The following TDRD5 variants were observed in gnomAD, a reference collection of about 807,000 sequenced individuals.
TDRD5 encodes the protein tudor domain containing 5.
TDRD5 carries 41 observed loss-of-function variants against 120.6 expected under a neutral mutation model. The ratio of observed to expected loss-of-function variants is 0.34; its 90% CI spans 0.26 to 0.44. The LOEUF (loss-of-function observed/expected upper bound fraction) is 0.44. Ranked by LOEUF, TDRD5 falls within the 20% of genes least tolerant of loss-of-function variation. The probability of loss-of-function intolerance (pLI) is 1.00; values close to 1 mark genes in which losing one functional copy is unlikely to be tolerated. For synonymous variants in TDRD5, 430 were observed against 433.7 expected (o/e 0.99, Z 0.11); for missense variants, 1,006 against 1,221.2 (o/e 0.82, Z 2.63).
At chr1:179,594,399 A>G (rs776612902) in intron 3 of TDRD5, among the ~76,000 whole-genome samples, 24 of 152,234 alleles carry the variant, frequency 1.6e-4, no homozygotes, top group Admixed American at 2.6e-4. Context: ...TAGGGTAAGT[A>G]ACTGTGTCTT....
chr1:179,640,784 A>G (rs1678001430), intron 11 of TDRD5, among the ~76,000 whole-genome samples: 1 of 152,204 alleles, frequency 6.6e-6, no homozygotes, highest in African/African-American at 2.4e-5. Flanking sequence ...GTAGCATGAA[A>G]CATCTCAAAG....
At position 179,618,720 on chromosome 1, in the gene TDRD5, A is replaced by G. The variant is rs142040904; in HGVS notation, c.915+38A>G. On this transcript the variant is annotated intron_variant, in intron 5 of 17. Transcript: ENST00000444136. ...TGTTTCTGGGAGACAATAATAATTG[A>G]TTTATAAATTTATATATCATTTGTG... is the stretch of plus-strand genomic sequence containing the variant. 723 of 1,390,970 alleles carry G rather than the reference A, an allele frequency of 5.2e-4. 7 individuals carry two copies. In the African/African-American group the frequency reaches 9.8e-3, roughly 19 times the overall value. The allele number at this position is 1,390,970 out of a possible 1,614,324, so 86.2% of individuals were successfully genotyped here.
chr1:179,646,175 T>G (rs979188108), intron 11 of TDRD5, among the ~76,000 whole-genome samples: 12 of 152,170 alleles, frequency 7.9e-5, no homozygotes, highest in African/African-American at 2.7e-4. Context: ...TTTAAAATAA[T>G]TCACTAAGAA....
At chr1:179,599,505 G>C (rs778811070) in intron 4 of TDRD5, among the ~76,000 whole-genome samples, 2 of 151,434 alleles carry the variant, frequency 1.3e-5, no homozygotes, top group Non-Finnish European at 2.9e-5. Context: ...TTCTTTAACA[G>C]ATATAGGGCT....
intron 16 of TDRD5, among the ~76,000 whole-genome samples, chr1:179,664,533 G>A (rs1558417220): frequency 6.6e-6 from 1 of 152,062 alleles, no homozygotes; most frequent in East Asian, 1.9e-4. Flanking sequence ...CTACAGATTT[G>A]TCTGTTAAAT....
At chr1:179,611,907 G>A (rs1005361462) in intron 4 of TDRD5, among the ~76,000 whole-genome samples, 1 of 152,188 alleles carries the variant, frequency 6.6e-6, no homozygotes, top group African/African-American at 2.4e-5. Flanking sequence ...GAGAGGGGGT[G>A]TGGGTTCTAA....
chr1:179,623,363 G>A (rs1317915833), intron 6 of TDRD5, among the ~76,000 whole-genome samples: 2 of 152,052 alleles, frequency 1.3e-5, no homozygotes, highest in African/African-American at 4.8e-5. Flanking sequence ...ACTGTTTAAA[G>A]CAAAAATTAC....
In TDRD5 at chr1:179,691,143, G is replaced by T. The variant is rs1001923798; in HGVS notation, c.*200G>T. ...AGTATTGATATTTACTGTTAATCTT[G>T]ATTTTTCTTGATTTTATTCTGTGTC... On this transcript the variant is annotated 3_prime_UTR_variant, in exon 18 of 18. Transcript: ENST00000444136. The T allele has an allele frequency of 1.2e-5, 7 of 562,350 alleles. No homozygotes were observed. Among genetic ancestry groups the T allele is most frequent in the Non-Finnish European group, 1.9e-5 (7 of 359,894 alleles). The allele number at this position is 562,350 out of a possible 1,614,324, so 34.8% of individuals were successfully genotyped here.
intron 16 of TDRD5, among the ~76,000 whole-genome samples, chr1:179,666,897 A>G (rs993698962): frequency 6.6e-6 from 1 of 152,232 alleles, no homozygotes; most frequent in Non-Finnish European, 1.5e-5. Flanking sequence ...TTCATAAATC[A>G]TGAACATGTT....
chr1:179,687,711 A>C (rs1449870049), intron 17 of TDRD5, among the ~76,000 whole-genome samples: 9 of 152,202 alleles, frequency 5.9e-5, no homozygotes, highest in East Asian at 1.9e-4. Context: ...GACTTGCTTT[A>C]TGAATCTGGG....
chr1:179,625,608 T>C (rs768528882), intron 6 of TDRD5, among the ~76,000 whole-genome samples: 4 of 152,198 alleles, frequency 2.6e-5, no homozygotes, highest in Admixed American at 6.5e-5. Flanking sequence ...TTCTTACAAT[T>C]TCTTGTAAGT....
chr1:179,639,788 C>A, intron 9 of TDRD5, 51 bp from the exon 10 acceptor site: 3 of 1,558,874 alleles, frequency 1.9e-6, no homozygotes, highest in Non-Finnish European at 2.6e-6. Flanking sequence ...TAAAAATTAT[C>A]TTTAATTTTT....
chr1:179,666,634 T>TA (rs1679565853), intron 16 of TDRD5, among the ~76,000 whole-genome samples: 2 of 152,306 alleles, frequency 1.3e-5, no homozygotes, highest in Middle Eastern at 3.4e-3. Context: ...GCCGTTTTCT[T>TA]ACTCCTTCCC....
chr1:179,647,602 G>A (rs1033130507), intron 11 of TDRD5, among the ~76,000 whole-genome samples: 17 of 151,936 alleles, frequency 1.1e-4, no homozygotes, highest in African/African-American at 3.9e-4. Context: ...TTGACAAATG[G>A]GATCTAATTA....
At chr1:179,599,081 A>G (rs189876198) in intron 4 of TDRD5, among the ~76,000 whole-genome samples, 24 of 152,096 alleles carry the variant, frequency 1.6e-4, no homozygotes, top group African/African-American at 4.8e-4. Context: ...TGTATGTTGA[A>G]TTTTGTCATG....
intron 13 of TDRD5, 23 bp from the exon 14 acceptor site, chr1:179,654,178 G>C (rs1469128736): frequency 1.3e-6 from 2 of 1,484,358 alleles, no homozygotes; most frequent in Admixed American, 4.7e-5. Flanking sequence ...TAAAATAAAG[G>C]AATTCTCTTT....
At chr1:179,661,211 T>A (rs1303001377) in intron 14 of TDRD5, among the ~76,000 whole-genome samples, 1 of 152,202 alleles carries the variant, frequency 6.6e-6, no homozygotes, top group Non-Finnish European at 1.5e-5. Context: ...AATCTGTAGA[T>A]TTATGTCTTT....
chr1:179,605,709 A>G (rs927725743), intron 4 of TDRD5, among the ~76,000 whole-genome samples: 2 of 152,120 alleles, frequency 1.3e-5, no homozygotes. Context: ...ATATAGTTGG[A>G]CTTCTACAGC....
intron 4 of TDRD5, among the ~76,000 whole-genome samples, chr1:179,597,332 C>CTTTTTTTTTTTTT (rs945509784): frequency 9.6e-4 from 121 of 125,524 alleles, no homozygotes; most frequent in African/African-American, 1.0e-3. Context: ...TTCTTTTTTT[C>CTTTTTTTTTTTTT]TTTTTTTTTT....
Sources: gnomAD v4.1 joint callset for allele counts (sites outside exome capture counted in the v4.1 genomes callset) on GRCh38, gnomAD v4.1.1 for gene constraint, MANE v1.5 for transcripts, NCBI Gene and HGNC (gene_info 2026-07-23, HGNC 2026-07-21) for gene names.